Variants in GABRB1 observed in about 807,000 individuals in gnomAD.
GABRB1 encodes gamma-aminobutyric acid receptor subunit beta-1.
Under a neutral mutation model 51.6 loss-of-function variants are expected in GABRB1, and 17 were observed. That is an observed-to-expected ratio of 0.33 (90% CI 0.23 to 0.49). GABRB1 has a LOEUF of 0.49. GABRB1 is among the 20% of genes least tolerant of loss of function. GABRB1 has a pLI of 0.99. For missense variants in GABRB1, 410 were observed against 600.6 expected (o/e 0.68, Z 3.32); for synonymous variants, 247 against 218.9 (o/e 1.13, Z -1.14).
intron 1 of GABRB1, among the ~76,000 whole-genome samples, chr4:47,023,927 T>C (rs1725008981): frequency 6.6e-6 from 1 of 152,008 alleles, no homozygotes; most frequent in African/African-American, 2.4e-5. Flanking sequence ...GTTCTTTTCT[T>C]ATGTAACTCT....
chr4:47,281,682 G>A lies in GABRB1; in HGVS notation c.462-38445G>A, dbSNP rs533819663. Among the ~76,000 whole-genome samples, 6 of 151,898 alleles carry A rather than the reference G, an allele frequency of 4.0e-5. No homozygotes were observed. In the South Asian group the frequency reaches 1.0e-3, roughly 26 times the overall value. On this transcript the variant is annotated intron_variant, in intron 4 of 8. Coordinates refer to ENST00000295454, the MANE Select transcript of GABRB1 (RefSeq NM_000812.4). ...ATGTATGAATGGATAAACAAAAGGT[G>A]GTATATATACACAATGGAATATTAT...
chr4:47,092,242 G>A (rs1371553950), intron 3 of GABRB1, among the ~76,000 whole-genome samples: 6 of 131,560 alleles, frequency 4.6e-5, no homozygotes, highest in Non-Finnish European at 6.1e-5. Flanking sequence ...GCATGATCTC[G>A]GCTCACTGCA....
chr4:47,419,837 G>A (rs1305513849), intron 8 of GABRB1, among the ~76,000 whole-genome samples: 1 of 152,270 alleles, frequency 6.6e-6, no homozygotes, highest in East Asian at 1.9e-4. Context: ...TAAGGAGTGG[G>A]GTGAGAGTGA....
At chr4:47,055,107 A>T (rs554163949) in intron 3 of GABRB1, among the ~76,000 whole-genome samples, 1 of 152,272 alleles carries the variant, frequency 6.6e-6, no homozygotes, top group Admixed American at 6.5e-5. Flanking sequence ...AGTTTCTAAA[A>T]CTCATAAACA....
chr4:47,077,703 G>T (rs1444029531), intron 3 of GABRB1, among the ~76,000 whole-genome samples: 1 of 150,968 alleles, frequency 6.6e-6, no homozygotes, highest in Non-Finnish European at 1.5e-5. Context: ...AACCATATGA[G>T]ATACTTTGTT....
At chr4:47,357,658 T>C (rs1726636349) in intron 5 of GABRB1, among the ~76,000 whole-genome samples, 1 of 152,200 alleles carries the variant, frequency 6.6e-6, no homozygotes, top group Non-Finnish European at 1.5e-5. Flanking sequence ...AAAGTGGTTC[T>C]GGGGTCCTCC....
intron 4 of GABRB1, among the ~76,000 whole-genome samples, chr4:47,210,013 G>C (rs982963404): frequency 1.3e-5 from 2 of 152,056 alleles, no homozygotes; most frequent in Non-Finnish European, 2.9e-5. Context: ...CTGCCGTCAG[G>C]ATGACAGAAA....
chr4:47,395,913 T>C (rs1180712847), intron 5 of GABRB1, among the ~76,000 whole-genome samples: 1 of 150,662 alleles, frequency 6.6e-6, no homozygotes, highest in Non-Finnish European at 1.5e-5. Flanking sequence ...TGAACTTTGA[T>C]TTTTTTAATT....
At chr4:47,098,103 C>T (rs1426908734) in intron 3 of GABRB1, among the ~76,000 whole-genome samples, 1 of 151,970 alleles carries the variant, frequency 6.6e-6, no homozygotes, top group Non-Finnish European at 1.5e-5. Context: ...AGTAATTTCT[C>T]TATCACTGAC....
intron 1 of GABRB1, among the ~76,000 whole-genome samples, chr4:47,007,350 C>T (rs1724438628): frequency 6.6e-6 from 1 of 152,002 alleles, no homozygotes; most frequent in African/African-American, 2.4e-5. Flanking sequence ...TTATCTGAAC[C>T]TCAATTAATA....
chr4:47,269,574 A>G (rs1722773596), intron 4 of GABRB1, among the ~76,000 whole-genome samples: 1 of 152,030 alleles, frequency 6.6e-6, no homozygotes, highest in South Asian at 2.1e-4. Flanking sequence ...TAGAAAAGAG[A>G]TTACCTTATA....
intron 4 of GABRB1, among the ~76,000 whole-genome samples, chr4:47,294,347 C>A (rs1480127101): frequency 1.3e-5 from 2 of 152,192 alleles, no homozygotes; most frequent in African/African-American, 2.4e-5. Flanking sequence ...AGTTCCCTTT[C>A]CTAGTCAAAG....
chr4:47,305,027 T>C (rs1578080525), intron 4 of GABRB1, among the ~76,000 whole-genome samples: 1 of 152,218 alleles, frequency 6.6e-6, no homozygotes, highest in Non-Finnish European at 1.5e-5. Flanking sequence ...AGGACAGTCA[T>C]TTTGTTTCTT....
rs1041623727 is a variant in GABRB1, at chr4:47,075,961, A to G, written c.240+43477A>G. Among the ~76,000 whole-genome samples the G allele has an allele frequency of 5.5e-4, 83 of 152,168 alleles. 2 individuals are homozygous for G. The highest frequency in any genetic ancestry group is 5.2e-3 in the Admixed American group (80 of 15,278). On this transcript the variant is annotated intron_variant, in intron 3 of 8. Coordinates refer to ENST00000295454, the MANE Select transcript of GABRB1 (RefSeq NM_000812.4). ...GTATAGCTGTAGATGAGAATCCACC[A>G]GCTGGTGGGGCCTATAATTAGTATG...
At chr4:47,210,923 A>T (rs1401407988) in intron 4 of GABRB1, among the ~76,000 whole-genome samples, 1 of 152,190 alleles carries the variant, frequency 6.6e-6, no homozygotes, top group Non-Finnish European at 1.5e-5. Context: ...AGGAGGTGAC[A>T]AGTAGAAATT....
At chr4:47,156,393 C>A (rs1421224634) in intron 3 of GABRB1, among the ~76,000 whole-genome samples, 1 of 151,946 alleles carries the variant, frequency 6.6e-6, no homozygotes, top group Non-Finnish European at 1.5e-5. Context: ...CCAGACAATT[C>A]TTTATTATGG....
At chr4:47,390,324 A>G (rs138982282) in intron 5 of GABRB1, among the ~76,000 whole-genome samples, 189 of 152,324 alleles carry the variant, frequency 1.2e-3, no homozygotes, top group African/African-American at 4.4e-3. Context: ...ACATAAACTT[A>G]TTTCTGCCCA....
intron 3 of GABRB1, among the ~76,000 whole-genome samples, chr4:47,146,734 T>G (rs534314294): frequency 4.7e-4 from 71 of 152,082 alleles, no homozygotes; most frequent in Non-Finnish European, 4.1e-4. Flanking sequence ...GAGCTCACTT[T>G]CTGGGATTTT....
intron 3 of GABRB1, among the ~76,000 whole-genome samples, chr4:47,086,048 A>G (rs1728043657): frequency 6.6e-6 from 1 of 152,246 alleles, no homozygotes; most frequent in Non-Finnish European, 1.5e-5. Context: ...ACAAGCTGCC[A>G]TGTCAATATA....
Sources: allele counts gnomAD v4.1 joint callset (sites outside exome capture counted in the v4.1 genomes callset), GRCh38; gene constraint gnomAD v4.1.1; transcripts MANE v1.5; gene names NCBI Gene and HGNC (gene_info 2026-07-23, HGNC 2026-07-21).